Variants in SGCZ observed in about 807,000 individuals in gnomAD.
SGCZ encodes zeta-sarcoglycan.
SGCZ carries 40 observed loss-of-function variants against 41.3 expected under a neutral mutation model. The observed-to-expected ratio is 0.97, with a 90% CI of 0.75 to 1.26. SGCZ has a LOEUF of 1.26. Ranked by LOEUF, SGCZ falls within the 50% of genes most tolerant of loss-of-function variation. SGCZ has a pLI of 0.00. For missense variants in SGCZ, 552 were observed against 369.8 expected, an observed-to-expected ratio of 1.49 and a Z score of -4.04; for synonymous variants, 206 against 137.5, an observed-to-expected ratio of 1.50 and a Z score of -3.49.
At chr8:14,250,188 A>C (rs941107333) in intron 3 of SGCZ, among the ~76,000 whole-genome samples, 2 of 152,198 alleles carry the variant, frequency 1.3e-5, no homozygotes, top group Non-Finnish European at 2.9e-5. Flanking sequence ...GGACTTCCAA[A>C]AAGCTCCCAG....
At chr8:14,173,030 C>G (rs575389296) in intron 4 of SGCZ, among the ~76,000 whole-genome samples, 2 of 152,022 alleles carry the variant, frequency 1.3e-5, no homozygotes, top group South Asian at 4.1e-4. Context: ...GAAGTTGAGG[C>G]CCCTGAGTGC....
chr8:14,146,327 G>C (rs1165128249), intron 5 of SGCZ, among the ~76,000 whole-genome samples: 1 of 152,198 alleles, frequency 6.6e-6, no homozygotes, highest in East Asian at 1.9e-4. Context: ...CCCTAGAATA[G>C]CATATTTAGC....
In SGCZ at chr8:14,300,844, G is replaced by A. The variant is rs73531308; in HGVS notation, c.336+23259C>T. ...ATTTGTTTCCTTGCTATTGAGTTGT[G>A]TGAGTTCCTTATATATTCTGGATAT... On this transcript the variant is annotated intron_variant, in intron 3 of 7. Transcript: ENST00000382080. 4.2e-3 allele frequency among the ~76,000 whole-genome samples: 639 copies of A among 151,942 alleles called. 8 individuals carry two copies. Among genetic ancestry groups the A allele is most frequent in the African/African-American group, 0.014 (600 of 41,472 alleles).
intron 1 of SGCZ, among the ~76,000 whole-genome samples, chr8:14,656,771 AAAC>A (rs1177963228): frequency 2.0e-5 from 3 of 152,042 alleles, no homozygotes; most frequent in African/African-American, 7.2e-5. Context: ...GGAATATAGA[AAAC>A]AACATTTTTT....
intron 2 of SGCZ, among the ~76,000 whole-genome samples, chr8:14,396,934 GT>G (rs1275248736): frequency 6.6e-6 from 1 of 152,114 alleles, no homozygotes; most frequent in Non-Finnish European, 1.5e-5. Flanking sequence ...CAATGGAAAT[GT>G]GCTGAATTGC....
chr8:14,260,674 A>G (rs540082587), intron 3 of SGCZ, among the ~76,000 whole-genome samples: 3 of 152,260 alleles, frequency 2.0e-5, no homozygotes, highest in South Asian at 2.1e-4. Context: ...ATTATTCTCA[A>G]TAGCAAAGAC....
intron 1 of SGCZ, among the ~76,000 whole-genome samples, chr8:15,066,836 G>C (rs1805167582): frequency 6.6e-6 from 1 of 152,094 alleles, no homozygotes. Context: ...CATTATCATG[G>C]AGAAGTATTA....
At chr8:14,293,603 A>C (rs916996206) in intron 3 of SGCZ, among the ~76,000 whole-genome samples, 9 of 151,954 alleles carry the variant, frequency 5.9e-5, no homozygotes, top group Non-Finnish European at 1.2e-4. Context: ...AAAAAATGTA[A>C]GCTCAAAAAT....
intron 1 of SGCZ, among the ~76,000 whole-genome samples, chr8:14,915,575 C>T (rs889684261): frequency 3.3e-5 from 5 of 152,220 alleles, no homozygotes; most frequent in South Asian, 2.1e-4. Context: ...GAGTAAAAAG[C>T]AGACAAGATG....
chr8:15,236,811 G>C (rs1296185411), intron 1 of SGCZ, among the ~76,000 whole-genome samples: 3 of 152,156 alleles, frequency 2.0e-5, no homozygotes, highest in Non-Finnish European at 4.4e-5. Context: ...GCGGCGCGGG[G>C]AACCCGCGGA....
intron 4 of SGCZ, among the ~76,000 whole-genome samples, chr8:14,227,585 A>T (rs1806415654): frequency 1.3e-5 from 2 of 152,124 alleles, no homozygotes; most frequent in African/African-American, 4.8e-5. Context: ...GTTGCAAATG[A>T]ATTCAGAACT....
chr8:14,606,980 C>T (rs1805770945), intron 1 of SGCZ, among the ~76,000 whole-genome samples: 1 of 152,102 alleles, frequency 6.6e-6, no homozygotes, highest in Non-Finnish European at 1.5e-5. Context: ...TCTACTAGTA[C>T]ATGATACTGT....
At chr8:14,682,922 G>T (rs994058624) in intron 1 of SGCZ, among the ~76,000 whole-genome samples, 2 of 152,122 alleles carry the variant, frequency 1.3e-5, no homozygotes, top group African/African-American at 4.8e-5. Context: ...ACATTTGCCG[G>T]CAGATGGTGA....
At position 14,902,764 on chromosome 8, in the gene SGCZ, G is replaced by A. The variant is rs539192562; in HGVS notation, c.39+334821C>T. Among the ~76,000 whole-genome samples the A allele has an allele frequency of 9.9e-5, 15 of 151,976 alleles. 1 individual carries two copies. The highest frequency in any genetic ancestry group is 7.2e-4 in the Admixed American group (11 of 15,228). On this transcript the variant is annotated intron_variant, in intron 1 of 7. Coordinates refer to ENST00000382080, the MANE Select transcript of SGCZ (RefSeq NM_139167.4). The stretch of plus-strand genomic sequence containing the variant: ...AATTCTTAAGCATAGACAAATATTC[G>A]AGTTTACTGGGGAGGTCAGTTACCT...
chr8:14,291,181 A>C (rs578213236), intron 3 of SGCZ, among the ~76,000 whole-genome samples: 1 of 152,106 alleles, frequency 6.6e-6, no homozygotes, highest in South Asian at 2.1e-4. Context: ...CAGGGAAATT[A>C]TTAAATAGGC....
At chr8:14,412,848 T>C (rs1799397884) in intron 2 of SGCZ, among the ~76,000 whole-genome samples, 1 of 152,056 alleles carries the variant, frequency 6.6e-6, no homozygotes, top group South Asian at 2.1e-4. Context: ...TTTGACATTC[T>C]GAAACTTGAT....
chr8:14,254,681 A>G (rs1396010003), intron 3 of SGCZ, among the ~76,000 whole-genome samples: 1 of 152,200 alleles, frequency 6.6e-6, no homozygotes, highest in African/African-American at 2.4e-5. Context: ...CCTTTCCACT[A>G]AACATATTTA....
chr8:14,911,036 T>C (rs1799267045), intron 1 of SGCZ, among the ~76,000 whole-genome samples: 1 of 152,080 alleles, frequency 6.6e-6, no homozygotes, highest in South Asian at 2.1e-4. Context: ...TATAATGTCA[T>C]ATATTAAAGG....
intron 1 of SGCZ, among the ~76,000 whole-genome samples, chr8:14,840,456 G>A (rs1313013021): frequency 2.6e-5 from 4 of 152,124 alleles, no homozygotes; most frequent in Admixed American, 6.5e-5. Flanking sequence ...ATATATCAAC[G>A]TTCCGTGGCC....
Sources: allele counts gnomAD v4.1 joint callset (sites outside exome capture counted in the v4.1 genomes callset), GRCh38; gene constraint gnomAD v4.1.1; transcripts MANE v1.5; gene names NCBI Gene and HGNC (gene_info 2026-07-23, HGNC 2026-07-21).